The following CORIN variants were observed in gnomAD, a reference collection of about 807,000 sequenced individuals.
CORIN encodes atrial natriuretic peptide-converting enzyme.
In CORIN, 117 loss-of-function variants were observed where a neutral mutation model predicts 125.3. That is an observed-to-expected ratio of 0.93 (90% CI 0.80 to 1.09). The LOEUF (loss-of-function observed/expected upper bound fraction) is 1.09, where lower values mean the gene tolerates loss of function less well. CORIN is among the 50% of genes least tolerant of loss of function. The pLI is 0.00. For missense variants in CORIN, 1,253 were observed against 1,306.7 expected (o/e 0.96, Z 0.63); for synonymous variants, 450 against 466.4 (o/e 0.96, Z 0.45).
Position 47,667,968 on chromosome 4 carries a change from A to G in CORIN, c.1358-2705T>C, listed in dbSNP as rs574291802. ...AGTTATAAGGGTACAGCCCCCAAGA[A>G]TGGGATTAGTGCCCTTATAAAAGGG... On this transcript the variant is annotated intron_variant, in intron 10 of 21. Transcript: ENST00000273857. Among the ~76,000 whole-genome samples, 25 of 152,250 alleles carry G rather than the reference A, an allele frequency of 1.6e-4. No individual in the cohort carries two copies. The South Asian group carries it at 5.0e-3, about 30-fold the overall frequency.
chr4:47,706,304 C>A (rs1210912494), intron 5 of CORIN: 1 of 1,162,246 alleles, frequency 8.6e-7, no homozygotes, highest in Non-Finnish European at 1.3e-6. Flanking sequence ...CTGCTCTACT[C>A]TATGGACTTT....
In CORIN at chr4:47,763,387, G is replaced by T. The variant is rs572295488; in HGVS notation, c.609C>A (p.Gly203=). The change falls in exon 4 of 22, where the codon GGC becomes GGA. Residue 203 remains glycine (G), a synonymous_variant. Coordinates refer to ENST00000273857, the MANE Select transcript of CORIN (RefSeq NM_006587.4). ...TCTGGGTTCCGAAATACCTGTCATC[G>T]CCATCAATGATGCACTCAGGGAAGG... The part of the protein sequence containing the change: ...TLAFPECIID[G]DDSHGLLPCR... The T allele has an allele frequency of 5.0e-6, 8 of 1,612,472 alleles. No homozygotes were observed. The African/African-American group carries it at 1.1e-4, about 22-fold the overall frequency.
intron 5 of CORIN, among the ~76,000 whole-genome samples, chr4:47,709,623 A>G (rs1344249317): frequency 1.3e-5 from 2 of 152,198 alleles, no homozygotes; most frequent in Non-Finnish European, 2.9e-5. Context: ...AAATATAAAT[A>G]TGTTTTTCCT....
intron 6 of CORIN, among the ~76,000 whole-genome samples, chr4:47,686,256 T>C (rs1358526043): frequency 6.6e-6 from 1 of 151,898 alleles, no homozygotes; most frequent in Non-Finnish European, 1.5e-5. Context: ...GTTCAGTGTC[T>C]TCATTAGGAA....
At chr4:47,614,422 C>A (rs1721994854) in intron 19 of CORIN, among the ~76,000 whole-genome samples, 1 of 152,138 alleles carries the variant, frequency 6.6e-6, no homozygotes, top group Non-Finnish European at 1.5e-5. Flanking sequence ...TGGTCTCGAA[C>A]TCCTGACCTC....
chr4:47,631,083 C>T (rs971205522), intron 16 of CORIN, among the ~76,000 whole-genome samples: 2 of 152,128 alleles, frequency 1.3e-5, no homozygotes, highest in Non-Finnish European at 2.9e-5. Context: ...CAAGTTATAC[C>T]AGTTAATTAA....
chr4:47,601,320 CTTTTT>C (rs34035998), intron 20 of CORIN, among the ~76,000 whole-genome samples: 1 of 145,686 alleles, frequency 6.9e-6, no homozygotes. Flanking sequence ...TTCAGCAGAT[CTTTTT>C]TTTTTTTTTG....
chr4:47,673,919 C>T (rs1024131889), intron 10 of CORIN, among the ~76,000 whole-genome samples: 2 of 151,994 alleles, frequency 1.3e-5, no homozygotes, highest in Non-Finnish European at 2.9e-5. Flanking sequence ...TGCAGTGAGC[C>T]AAGATGGGGC....
In CORIN at chr4:47,706,686, G is replaced by A. The variant is rs189523009; in HGVS notation, c.800-13603C>T. The A allele has an allele frequency of 6.1e-5, 98 of 1,608,840 alleles. 1 individual carries two copies. The Admixed American group carries it at 8.0e-4, about 13-fold the overall frequency. On this transcript the variant is annotated intron_variant, in intron 5 of 21. Coordinates refer to ENST00000273857, the MANE Select transcript of CORIN (RefSeq NM_006587.4). ...AGCCTTCAGTCCGTTGCGGAGGAGC[G>A]AGCTGGACGCCACTGTGGGGCTCTG...
intron 5 of CORIN, among the ~76,000 whole-genome samples, chr4:47,724,047 A>T: frequency 6.6e-6 from 1 of 151,798 alleles, no homozygotes; most frequent in Admixed American, 6.6e-5. Context: ...CCCCTAAGTG[A>T]AAAGATAATT....
intron 16 of CORIN, among the ~76,000 whole-genome samples, chr4:47,629,210 T>C (rs1722708123): frequency 6.6e-6 from 1 of 152,142 alleles, no homozygotes; most frequent in South Asian, 2.1e-4. Context: ...TTTTTTATGT[T>C]TTCTCTTTTT....
intron 19 of CORIN, among the ~76,000 whole-genome samples, chr4:47,608,965 A>T (rs1721763703): frequency 6.6e-6 from 1 of 151,896 alleles, no homozygotes; most frequent in African/African-American, 2.4e-5. Flanking sequence ...CCCTTCTCTC[A>T]CCCTCTCTGA....
At chr4:47,793,925 T>A (rs1731181863) in intron 2 of CORIN, among the ~76,000 whole-genome samples, 1 of 152,150 alleles carries the variant, frequency 6.6e-6, no homozygotes, top group South Asian at 2.1e-4. Flanking sequence ...ATGCTGCTCG[T>A]CCATGGGCCA....
chr4:47,804,396 A>T (rs527983398), intron 2 of CORIN, among the ~76,000 whole-genome samples: 1 of 152,354 alleles, frequency 6.6e-6, no homozygotes, highest in South Asian at 2.1e-4. Context: ...TCAAATAGAT[A>T]TCTGCATTTC....
At chr4:47,642,182 C>T (rs1484004702) in intron 15 of CORIN, 133 bp from the exon 16 acceptor site, 9 of 864,656 alleles carry the variant, frequency 1.0e-5, no homozygotes, top group Non-Finnish European at 1.4e-5. Flanking sequence ...TGATGTGTAC[C>T]TACCCTGTGC....
chr4:47,688,413 C>T (rs1345357894), intron 6 of CORIN, among the ~76,000 whole-genome samples: 1 of 152,062 alleles, frequency 6.6e-6, no homozygotes, highest in Non-Finnish European at 1.5e-5. Context: ...CCAGCCTGGG[C>T]AACATGGCAA....
chr4:47,604,939 C>G (rs770393743), intron 19 of CORIN, among the ~76,000 whole-genome samples: 1 of 152,214 alleles, frequency 6.6e-6, no homozygotes, highest in African/African-American at 2.4e-5. Context: ...CTAGACTCCC[C>G]TGGCCTCTGA....
intron 1 of CORIN, 48 bp downstream of exon 1, chr4:47,837,839 G>A: frequency 7.2e-6 from 11 of 1,519,880 alleles, no homozygotes; most frequent in Non-Finnish European, 1.0e-5. Flanking sequence ...CCGGGACTAA[G>A]AGGCCATCAC....
intron 17 of CORIN, among the ~76,000 whole-genome samples, chr4:47,625,249 A>G (rs924810110): frequency 1.8e-4 from 28 of 152,126 alleles, no homozygotes; most frequent in African/African-American, 6.5e-4. Flanking sequence ...TTAAAGAAAT[A>G]CTTAATAATT....
Sources: allele counts gnomAD v4.1 joint callset (sites outside exome capture counted in the v4.1 genomes callset), GRCh38; gene constraint gnomAD v4.1.1; transcripts MANE v1.5; gene names NCBI Gene and HGNC (gene_info 2026-07-23, HGNC 2026-07-21).